SMOC2: variants seen among roughly 807,000 people sequenced by gnomAD.
SMOC2 encodes the protein SPARC related modular calcium binding 2, also known as SPARC-related modular calcium-binding protein 2.
SMOC2 carries 39 observed loss-of-function variants against 61.4 expected under a neutral mutation model. The ratio of observed to expected loss-of-function variants is 0.64; its 90% CI spans 0.49 to 0.83. SMOC2 has a LOEUF of 0.83. SMOC2 is among the 40% of genes least tolerant of loss of function. SMOC2 has a pLI of 0.00. For missense variants in SMOC2, 556 were observed against 592.9 expected, an observed-to-expected ratio of 0.94 and a Z score of 0.65; for synonymous variants, 247 against 239.9, an observed-to-expected ratio of 1.03 and a Z score of -0.27.
intron 11 of SMOC2, among the ~76,000 whole-genome samples, chr6:168,660,789 G>T (rs576842629): frequency 1.2e-4 from 19 of 152,388 alleles, no homozygotes; most frequent in Admixed American, 3.9e-4. Flanking sequence ...CAGGGAAGGG[G>T]CATGGATGGG....
rs540830884 is a variant in SMOC2, at chr6:168,502,973, A to G, written c.85-6942A>G. Reference sequence around the variant, plus strand: ...AGTAGAGGTAGGGTTTCACTGTGTTAGCCAGGATGGTCTTGATCTCCTGAC... The same window carrying G: ...AGTAGAGGTAGGGTTTCACTGTGTTGGCCAGGATGGTCTTGATCTCCTGAC... On this transcript the variant is annotated intron_variant, in intron 1 of 12. Coordinates refer to ENST00000356284, the MANE Select transcript of SMOC2 (RefSeq NM_001166412.2). Among the ~76,000 whole-genome samples, 153 of 147,302 alleles carry G rather than the reference A, an allele frequency of 1.0e-3. 1 individual carries two copies. The highest frequency in any genetic ancestry group is 3.2e-3 in the African/African-American group (127 of 39,982).
Position 168,653,126 on chromosome 6 carries a change from T to C in SMOC2, c.1183T>C (p.Tyr395His). The C allele has an allele frequency of 6.2e-7, 1 of 1,614,212 alleles. No homozygotes were observed. The highest frequency in any genetic ancestry group is 1.3e-5 in the African/African-American group (1 of 75,048). ...AAAATGTGTGAAGAAGTTTGTTGAA[T>C]ACTGTGACGTGAATAATGACAAATC... ...PKKCVKKFVE[Y>H]CDVNNDKSIS... The change falls in exon 11 of 13, where the codon TAC becomes CAC. Residue 395 changes from tyrosine to histidine, a missense_variant. Transcript: ENST00000356284.
chr6:168,541,718 G>T (rs528127523), intron 4 of SMOC2, among the ~76,000 whole-genome samples: 1 of 152,172 alleles, frequency 6.6e-6, no homozygotes, highest in Non-Finnish European at 1.5e-5. Flanking sequence ...CACGGAGCAG[G>T]TTATCAAGGG....
In SMOC2 at chr6:168,535,917, A is replaced by T. The variant is rs1201037255; in HGVS notation, c.464-7708A>T. On this transcript the variant is annotated intron_variant, in intron 4 of 12. Coordinates refer to ENST00000356284, the MANE Select transcript of SMOC2 (RefSeq NM_001166412.2). This position sits in a 1 kb window ranked among gnomAD's most constrained non-coding sequence, Gnocchi z 4.6. ...GGGAGGGAGACGCATGAGCAGTGAC[A>T]GGGATCCTGGGGACACGTGAGGAAT... Among the ~76,000 whole-genome samples the T allele has an allele frequency of 6.6e-6, 1 of 152,180 alleles. No individual in the cohort carries two copies. Among genetic ancestry groups the T allele is most frequent in the African/African-American group, 2.4e-5 (1 of 41,436 alleles).
intron 7 of SMOC2, among the ~76,000 whole-genome samples, chr6:168,587,517 C>A (rs1785071477): frequency 6.6e-6 from 1 of 152,194 alleles, no homozygotes; most frequent in Non-Finnish European, 1.5e-5. Context: ...AGATATGAGA[C>A]AAATGGTTGC....
intron 7 of SMOC2, among the ~76,000 whole-genome samples, chr6:168,581,813 T>C (rs972086955): frequency 2.0e-5 from 3 of 151,942 alleles, no homozygotes; most frequent in African/African-American, 7.2e-5. Context: ...CCCTTCCTCA[T>C]TGACCGGGGC....
chr6:168,650,673 T>G lies in SMOC2; in HGVS notation c.908-8T>G. On this transcript the variant is annotated splice_region_variant and splice_polypyrimidine_tract_variant and intron_variant, in intron 9 of 12. Coordinates refer to ENST00000356284, the MANE Select transcript of SMOC2 (RefSeq NM_001166412.2). ...AGTTAATTATGAAAACATACACGTG[T>G]TTTTCAGGTTGTCCGGGTGCCAAAA... 5 of 1,612,192 alleles carry G rather than the reference T, an allele frequency of 3.1e-6. No homozygotes were observed. The highest frequency in any genetic ancestry group is 4.2e-6 in the Non-Finnish European group (5 of 1,178,778).
intron 11 of SMOC2, among the ~76,000 whole-genome samples, chr6:168,663,705 G>A (rs1787578787): frequency 6.6e-6 from 1 of 152,144 alleles, no homozygotes; most frequent in Non-Finnish European, 1.5e-5. Flanking sequence ...AAAATGCTCA[G>A]AGAAAGAAAA....
intron 7 of SMOC2, among the ~76,000 whole-genome samples, chr6:168,585,403 A>C (rs1415649701): frequency 6.6e-6 from 1 of 152,214 alleles, no homozygotes; most frequent in Admixed American, 6.5e-5. Context: ...TGCAATTTAC[A>C]TGCATGATTG....
intron 9 of SMOC2, among the ~76,000 whole-genome samples, chr6:168,614,099 C>T (rs374032513): frequency 1.2e-5 from 1 of 86,470 alleles, no homozygotes; most frequent in African/African-American, 4.8e-5. Flanking sequence ...CTCTTCATAC[C>T]TACAGCCAGC....
intron 2 of SMOC2, among the ~76,000 whole-genome samples, chr6:168,518,721 ATG>A (rs1016370217): frequency 1.6e-4 from 23 of 144,798 alleles, no homozygotes; most frequent in East Asian, 6.5e-4. Context: ...TGTTATGCTT[ATG>A]TGAGTGTGCA....
chr6:168,544,849 T>G lies in SMOC2; in HGVS notation c.511+1177T>G, dbSNP rs893710467. Among the ~76,000 whole-genome samples the G allele has an allele frequency of 6.6e-6, 1 of 152,172 alleles. No individual in the cohort carries two copies. The highest frequency in any genetic ancestry group is 2.4e-5 in the African/African-American group (1 of 41,440). ...GGACAAGCTGGCATGAAAGTAAATGTCAGGCTTTCTGTCCAGAGGGTGCCT... is the reference window on the plus strand; with the variant it reads ...GGACAAGCTGGCATGAAAGTAAATGGCAGGCTTTCTGTCCAGAGGGTGCCT... On this transcript the variant is annotated intron_variant, in intron 5 of 12. Transcript: ENST00000356284. This position sits in a 1 kb window ranked among gnomAD's most constrained non-coding sequence, Gnocchi z 4.1.
chr6:168,665,830 A>G (rs1787650260), intron 12 of SMOC2, among the ~76,000 whole-genome samples: 1 of 152,240 alleles, frequency 6.6e-6, no homozygotes. Context: ...TATTTGAAAT[A>G]ATAAAACAGA....
chr6:168,465,613 G>A (rs1431402745), intron 1 of SMOC2, among the ~76,000 whole-genome samples: 1 of 152,198 alleles, frequency 6.6e-6, no homozygotes, highest in Non-Finnish European at 1.5e-5. Flanking sequence ...TTTTACGAAA[G>A]TGACATAGTT....
Position 168,453,346 on chromosome 6 carries a change from T to C in SMOC2, c.84+11892T>C, listed in dbSNP as rs562247958. Among the ~76,000 whole-genome samples the C allele has an allele frequency of 3.9e-5, 6 of 152,200 alleles. No homozygotes were observed. Among genetic ancestry groups the C allele is most frequent in the Admixed American group, 3.9e-4 (6 of 15,298 alleles). ...GCTGTGCCTTTGTCTCCGGGTCTCC[T>C]CCTCACTCTTCTCAGTCTACCCTGG... On this transcript the variant is annotated intron_variant, in intron 1 of 12. Transcript: ENST00000356284. The surrounding 1 kb of genome is among the most constrained non-coding windows in gnomAD (Gnocchi z 4.4).
intron 11 of SMOC2, among the ~76,000 whole-genome samples, chr6:168,657,235 G>A (rs1002669770): frequency 3.3e-5 from 5 of 152,214 alleles, no homozygotes; most frequent in Non-Finnish European, 4.4e-5. Flanking sequence ...TGAGGGGGAC[G>A]AGGTCACAGA....
In SMOC2 at chr6:168,663,752, C is replaced by T. The variant is rs555427056; in HGVS notation, c.1286-322C>T. Among the ~76,000 whole-genome samples the T allele has an allele frequency of 2.0e-4, 31 of 152,274 alleles. No individual in the cohort carries two copies. In the South Asian group the frequency reaches 6.2e-3, roughly 31 times the overall value. ...AAAAATGTAGTATAGCAAGTATTTA[C>T]ACAGCATTTACATTGCATTAAGCAT... On this transcript the variant is annotated intron_variant, in intron 11 of 12. Transcript: ENST00000356284.
At chr6:168,581,447 C>T (rs73260661) in intron 7 of SMOC2, among the ~76,000 whole-genome samples, 1,806 of 152,340 alleles carry the variant, frequency 0.012, 40 homozygotes, top group African/African-American at 0.041. Context: ...GGACCTGCAG[C>T]CAAGCACCTG....
At chr6:168,650,066 G>A (rs112882133) in intron 9 of SMOC2, among the ~76,000 whole-genome samples, 1 of 152,278 alleles carries the variant, frequency 6.6e-6, no homozygotes, top group Non-Finnish European at 1.5e-5. Context: ...AGAATGTTGG[G>A]TGCCTGAATT....
Sources: gnomAD v4.1 joint callset for allele counts (sites outside exome capture counted in the v4.1 genomes callset) on GRCh38, gnomAD v4.1.1 for gene constraint, Gnocchi (gnomAD v3.1) non-coding constraint, MANE v1.5 for transcripts, NCBI Gene and HGNC (gene_info 2026-07-23, HGNC 2026-07-21) for gene names.